The following TBC1D5 variants were observed in gnomAD, a reference collection of about 807,000 sequenced individuals.
TBC1D5 encodes TBC1 domain family member 5, also known as TBC1 domain family, member 5.
A neutral mutation model predicts 100.3 loss-of-function variants in TBC1D5; 75 were observed. The ratio of observed to expected loss-of-function variants is 0.75; its 90% CI spans 0.62 to 0.91. The LOEUF is 0.91. Ranked by LOEUF, TBC1D5 falls within the 40% of genes least tolerant of loss-of-function variation. TBC1D5 has a pLI of 0.00. For synonymous variants in TBC1D5, 323 were observed against 325.6 expected, an observed-to-expected ratio of 0.99 and a Z score of 0.09; for missense variants, 910 against 942.4, an observed-to-expected ratio of 0.97 and a Z score of 0.45.
chr3:17,315,594 A>G (rs577514703), intron 13 of TBC1D5, among the ~76,000 whole-genome samples: 2 of 152,386 alleles, frequency 1.3e-5, no homozygotes, highest in East Asian at 3.8e-4. Context: ...GCTAAACTCC[A>G]AGAAACATTT....
intron 2 of TBC1D5, among the ~76,000 whole-genome samples, chr3:17,589,885 C>T (rs766392682): frequency 1.9e-4 from 29 of 152,114 alleles, no homozygotes; most frequent in African/African-American, 2.7e-4. Context: ...ACCTGCAAAC[C>T]GATAAATGCT....
At position 17,722,363 on chromosome 3, in the gene TBC1D5, A is replaced by G. The variant is rs541349032; in HGVS notation, c.-101+16980T>C. 7.2e-5 allele frequency among the ~76,000 whole-genome samples: 11 copies of G among 152,264 alleles called. No homozygotes were observed. The East Asian group carries it at 2.1e-3, about 29-fold the overall frequency. On this transcript the variant is annotated intron_variant, in intron 1 of 21. Transcript: ENST00000253692. ...CATATCCTGGAGATGGGACCCTAGT[A>G]TAAACATAAAATTCATTTATCTTTC...
chr3:17,681,500 A>C (rs1210480585), intron 1 of TBC1D5, among the ~76,000 whole-genome samples: 2 of 151,396 alleles, frequency 1.3e-5, no homozygotes, highest in Non-Finnish European at 2.9e-5. Context: ...AAATTAACTT[A>C]CTCTCATCTA....
chr3:17,637,748 A>G (rs1177259817), intron 1 of TBC1D5, among the ~76,000 whole-genome samples: 1 of 152,228 alleles, frequency 6.6e-6, no homozygotes, highest in Non-Finnish European at 1.5e-5. Context: ...GAGTATGGCC[A>G]TTCATATGTT....
rs1035283426 is a variant in TBC1D5 at position 17,161,271 on chromosome 3, C to T, written c.2095-15G>A. On this transcript the variant is annotated splice_polypyrimidine_tract_variant and intron_variant, in intron 21 of 21. Coordinates refer to ENST00000253692, the Ensembl canonical transcript of TBC1D5. The stretch of plus-strand genomic sequence containing the variant: ...TCTGAAGAGGCCTGTGAAGTACAGT[C>T]AGAAGTACAGGTGGATGAAAGAAGA... The T allele has an allele frequency of 1.9e-6, 3 of 1,595,796 alleles. No individual in the cohort carries two copies. Among genetic ancestry groups the T allele is most frequent in the Non-Finnish European group, 2.6e-6 (3 of 1,170,078 alleles).
At chr3:17,355,183 T>C (rs903776724) in intron 13 of TBC1D5, among the ~76,000 whole-genome samples, 1 of 152,096 alleles carries the variant, frequency 6.6e-6, no homozygotes, top group Non-Finnish European at 1.5e-5. Context: ...TTCCAACTTA[T>C]GTTCAAAAAA....
intron 2 of TBC1D5, among the ~76,000 whole-genome samples, chr3:17,604,698 T>G (rs2061220942): frequency 6.6e-6 from 1 of 152,210 alleles, no homozygotes; most frequent in Non-Finnish European, 1.5e-5. Flanking sequence ...GGTTTGGTTT[T>G]GAGACAGAGT....
At chr3:17,277,250 A>C (rs79766530) in intron 15 of TBC1D5, among the ~76,000 whole-genome samples, 1 of 152,192 alleles carries the variant, frequency 6.6e-6, no homozygotes, top group African/African-American at 2.4e-5. Flanking sequence ...GAAATTCTTC[A>C]TATTTTCTCT....
chr3:17,243,287 C>G (rs1038791765), intron 16 of TBC1D5, among the ~76,000 whole-genome samples: 1 of 151,964 alleles, frequency 6.6e-6, no homozygotes, highest in Non-Finnish European at 1.5e-5. Flanking sequence ...ATTTTGTGAC[C>G]TGAAGAATGA....
chr3:17,332,474 G>A (rs2087009397), intron 13 of TBC1D5, among the ~76,000 whole-genome samples: 1 of 152,100 alleles, frequency 6.6e-6, no homozygotes, highest in South Asian at 2.1e-4. Flanking sequence ...GAGAAGCACA[G>A]GTAGAGATAT....
chr3:17,481,448 A>G (rs1357183279), intron 3 of TBC1D5, among the ~76,000 whole-genome samples: 1 of 152,170 alleles, frequency 6.6e-6, no homozygotes, highest in Non-Finnish European at 1.5e-5. Context: ...CTGGCAAAGC[A>G]ACACCCCAAG....
chr3:17,324,500 C>T (rs1227571955), intron 13 of TBC1D5, among the ~76,000 whole-genome samples: 1 of 151,928 alleles, frequency 6.6e-6, no homozygotes, highest in African/African-American at 2.4e-5. Context: ...AAAAATTAGC[C>T]GGGTGTAGTG....
At chr3:17,648,302 C>G (rs1322098559) in intron 1 of TBC1D5, among the ~76,000 whole-genome samples, 1 of 152,130 alleles carries the variant, frequency 6.6e-6, no homozygotes, top group African/African-American at 2.4e-5. Context: ...GGACCCCTTC[C>G]TTACTCCATA....
rs570911599 is a variant in TBC1D5 at position 17,532,093 on chromosome 3, G to A, written c.-35-23488C>T. Among the ~76,000 whole-genome samples the A allele has an allele frequency of 1.4e-4, 21 of 152,214 alleles. 1 individual carries two copies. The South Asian group carries it at 2.1e-3, about 15-fold the overall frequency. On this transcript the variant is annotated intron_variant, in intron 2 of 21. Coordinates refer to ENST00000253692, the Ensembl canonical transcript of TBC1D5. ...GTTTTTGCAATCTACTCATCTGACA[G>A]AGGGCTAATATCCAGAATCTACAAT... is the stretch of plus-strand genomic sequence containing the variant.
chr3:17,445,464 T>C (rs1471971086), intron 3 of TBC1D5, among the ~76,000 whole-genome samples: 1 of 152,140 alleles, frequency 6.6e-6, no homozygotes, highest in Non-Finnish European at 1.5e-5. Context: ...AATATTTTAT[T>C]ATTACATTCA....
chr3:17,304,743 A>G (rs1021649464), intron 14 of TBC1D5, among the ~76,000 whole-genome samples: 1 of 152,112 alleles, frequency 6.6e-6, no homozygotes, highest in African/African-American at 2.4e-5. Context: ...GGTGGGGAAA[A>G]CTAGTGCTGA....
At chr3:17,331,136 C>G (rs1346117539) in intron 13 of TBC1D5, among the ~76,000 whole-genome samples, 1 of 152,120 alleles carries the variant, frequency 6.6e-6, no homozygotes, top group African/African-American at 2.4e-5. Flanking sequence ...TGTTTACAAC[C>G]CTTTAGTGAC....
intron 3 of TBC1D5, among the ~76,000 whole-genome samples, chr3:17,468,731 T>C (rs2095338555): frequency 6.6e-6 from 1 of 152,160 alleles, no homozygotes; most frequent in Non-Finnish European, 1.5e-5. Flanking sequence ...TCCAGCCCTG[T>C]CTCACCAAAT....
At chr3:17,210,476 C>A (rs1243480265) in intron 18 of TBC1D5, among the ~76,000 whole-genome samples, 1 of 152,180 alleles carries the variant, frequency 6.6e-6, no homozygotes, top group Non-Finnish European at 1.5e-5. Flanking sequence ...GCATGAGTCA[C>A]CACGCCCAGC....
Sources: allele counts gnomAD v4.1 joint callset (sites outside exome capture counted in the v4.1 genomes callset), GRCh38; gene constraint gnomAD v4.1.1; transcripts MANE v1.5; gene names NCBI Gene and HGNC (gene_info 2026-07-23, HGNC 2026-07-21).